The following NPAS3 variants were observed in gnomAD, a reference collection of about 807,000 sequenced individuals.
NPAS3 encodes neuronal PAS domain-containing protein 3.
A neutral mutation model predicts 73.1 loss-of-function variants in NPAS3; 14 were observed. That is an observed-to-expected ratio of 0.19 (90% CI 0.13 to 0.30). The LOEUF (loss-of-function observed/expected upper bound fraction) is 0.30, where lower values mean the gene tolerates loss of function less well. NPAS3 is among the 10% of genes least tolerant of loss of function. NPAS3 has a pLI of 1.00. For missense variants in NPAS3, 1,096 were observed against 1,250.0 expected (o/e 0.88, Z 1.86); for synonymous variants, 620 against 541.5 (o/e 1.14, Z -2.01).
chr14:32,976,377 A>G (rs535308989), intron 1 of NPAS3, among the ~76,000 whole-genome samples: 1 of 152,240 alleles, frequency 6.6e-6, no homozygotes, highest in South Asian at 2.1e-4. Context: ...GAAATAATGA[A>G]ACTTCTGTTT....
chr14:33,029,517 A>G (rs2039920015), intron 1 of NPAS3, among the ~76,000 whole-genome samples: 1 of 152,174 alleles, frequency 6.6e-6, no homozygotes, highest in Non-Finnish European at 1.5e-5. Context: ...AAAGAGACTT[A>G]TATTCTGAAG....
chr14:33,248,036 C>A (rs764371152), intron 3 of NPAS3, among the ~76,000 whole-genome samples: 2 of 152,178 alleles, frequency 1.3e-5, no homozygotes, highest in Non-Finnish European at 2.9e-5. Flanking sequence ...AGGCTAAGTT[C>A]AATCCATGCA....
intron 9 of NPAS3, among the ~76,000 whole-genome samples, chr14:33,787,089 A>T (rs145036776): frequency 1.1e-3 from 160 of 152,204 alleles, no homozygotes; most frequent in African/African-American, 3.5e-3. Flanking sequence ...AAAATACTCT[A>T]TCCTTAACTA....
intron 9 of NPAS3, among the ~76,000 whole-genome samples, chr14:33,790,817 C>A (rs2063336751): frequency 6.6e-6 from 1 of 152,150 alleles, no homozygotes; most frequent in African/African-American, 2.4e-5. Flanking sequence ...TACAAGTGCA[C>A]ACCACCACAC....
At chr14:33,586,214 C>T (rs900024130) in intron 5 of NPAS3, among the ~76,000 whole-genome samples, 6 of 125,736 alleles carry the variant, frequency 4.8e-5, no homozygotes, top group Admixed American at 1.8e-4. Context: ...CAAATAACAA[C>T]AATCTTTACT....
intron 3 of NPAS3, among the ~76,000 whole-genome samples, chr14:33,307,378 A>G (rs1295029643): frequency 1.3e-5 from 2 of 151,998 alleles, no homozygotes; most frequent in African/African-American, 4.8e-5. Flanking sequence ...TATTTTGGAG[A>G]TTGTATATCG....
chr14:33,207,149 A>G (rs1157630201), intron 2 of NPAS3, among the ~76,000 whole-genome samples: 1 of 152,024 alleles, frequency 6.6e-6, no homozygotes, highest in East Asian at 1.9e-4. Context: ...GGAGCCTGCA[A>G]CCCAGATTCT....
At position 33,668,645 on chromosome 14, in the gene NPAS3, G is replaced by A. The variant is rs144638595; in HGVS notation, c.559-7566G>A. On this transcript the variant is annotated intron_variant, in intron 5 of 11. Transcript: ENST00000356141. Reference sequence around the variant, plus strand: ...AGCCTGGCCAACACGACAAAACCCCGTCTCTACTAAAAATACAAAAAAATT... The same window carrying A: ...AGCCTGGCCAACACGACAAAACCCCATCTCTACTAAAAATACAAAAAAATT... Among the ~76,000 whole-genome samples, 452 of 152,138 alleles carry A rather than the reference G, an allele frequency of 3.0e-3. 17 individuals are homozygous for A. In the East Asian group the frequency reaches 0.079, roughly 27 times the overall value.
chr14:33,635,435 TTTTA>T (rs1381340339), intron 5 of NPAS3, among the ~76,000 whole-genome samples: 1 of 152,112 alleles, frequency 6.6e-6, no homozygotes, highest in Non-Finnish European at 1.5e-5. Context: ...GCAAGGGGAA[TTTTA>T]GACTAGAAGA....
At chr14:33,436,728 T>C (rs1221152508) in intron 4 of NPAS3, among the ~76,000 whole-genome samples, 5 of 152,228 alleles carry the variant, frequency 3.3e-5, no homozygotes, top group African/African-American at 1.2e-4. Context: ...TGTGAACAAT[T>C]AATTTTCCTG....
chr14:33,774,864 A>T (rs1294393701), intron 8 of NPAS3, among the ~76,000 whole-genome samples: 4 of 152,162 alleles, frequency 2.6e-5, no homozygotes, highest in Non-Finnish European at 4.4e-5. Context: ...CTGATGCCTC[A>T]TCGGGACCCA....
intron 7 of NPAS3, among the ~76,000 whole-genome samples, chr14:33,744,804 T>TAAA (rs2061747234): frequency 6.7e-6 from 1 of 149,138 alleles, no homozygotes; most frequent in Non-Finnish European, 1.5e-5. Context: ...AAGCAAATAA[T>TAAA]AATAATAATA....
intron 2 of NPAS3, among the ~76,000 whole-genome samples, chr14:33,102,069 C>T (rs78898292): frequency 0.011 from 1,665 of 152,246 alleles, 22 homozygotes; most frequent in Non-Finnish European, 0.016. Flanking sequence ...CACTACCATG[C>T]CAGCTTAGGC....
At chr14:33,626,964 A>G (rs1248467164) in intron 5 of NPAS3, among the ~76,000 whole-genome samples, 1 of 152,146 alleles carries the variant, frequency 6.6e-6, no homozygotes, top group East Asian at 1.9e-4. Context: ...TCTCTGTAAT[A>G]TTAACATTTA....
chr14:33,681,955 T>C (rs954179051), intron 6 of NPAS3, among the ~76,000 whole-genome samples: 2 of 152,332 alleles, frequency 1.3e-5, no homozygotes, highest in African/African-American at 4.8e-5. Context: ...AACAGTGTAG[T>C]GACTAACTTA....
Position 33,074,324 on chromosome 14 carries a change from A to G in NPAS3, c.140+18330A>G, listed in dbSNP as rs183608848. 4.6e-5 allele frequency among the ~76,000 whole-genome samples: 7 copies of G among 152,334 alleles called. No individual in the cohort carries two copies. In the East Asian group the frequency reaches 1.4e-3, roughly 29 times the overall value. On this transcript the variant is annotated intron_variant, in intron 2 of 11. Transcript: ENST00000356141. ...AGTGATATCAAACAGATGAATTTAA[A>G]GTTTGTATTTGTTAGTGAATGCTGC...
At chr14:33,219,676 T>A (rs2047350989) in intron 3 of NPAS3, among the ~76,000 whole-genome samples, 2 of 152,158 alleles carry the variant, frequency 1.3e-5, no homozygotes, top group Admixed American at 6.5e-5. Context: ...AGCAACATAT[T>A]AGCTATCCCT....
chr14:33,751,493 G>A (rs1224169452), intron 7 of NPAS3, among the ~76,000 whole-genome samples: 1 of 152,070 alleles, frequency 6.6e-6, no homozygotes, highest in Non-Finnish European at 1.5e-5. Flanking sequence ...ATTGAAAGCT[G>A]GCATTGCAAA....
At chr14:33,477,567 A>G (rs1033331092) in intron 4 of NPAS3, among the ~76,000 whole-genome samples, 1 of 152,110 alleles carries the variant, frequency 6.6e-6, no homozygotes, top group Non-Finnish European at 1.5e-5. Context: ...ACACAGCCAT[A>G]TAAGTAGCCT....
Sources: gnomAD v4.1 joint callset for allele counts (sites outside exome capture counted in the v4.1 genomes callset) on GRCh38, gnomAD v4.1.1 for gene constraint, MANE v1.5 for transcripts, NCBI Gene and HGNC (gene_info 2026-07-23, HGNC 2026-07-21) for gene names.